The following SWI5 variants were observed in gnomAD, a reference collection of about 807,000 sequenced individuals.
SWI5 encodes SWI5 homologous recombination repair protein.
A neutral mutation model predicts 17.0 loss-of-function variants in SWI5; 12 were observed. The ratio of observed to expected loss-of-function variants is 0.71; its 90% confidence interval spans 0.45 to 1.14. The LOEUF is 1.14. Ranked by LOEUF, SWI5 falls within the 50% of genes most tolerant of loss-of-function variation. The pLI is 0.00. For synonymous variants in SWI5, 61 were observed against 64.0 expected (o/e 0.95, Z 0.22); for missense variants, 158 against 162.2 (o/e 0.97, Z 0.14).
rs1831628747 is a variant in SWI5 at position 128,285,823 on chromosome 9, C to T, written c.234-116C>T. ...GGCCTATCTTGCTGTCACCATATCC[C>T]TAGTACCTATCACCGAGTAGGCCAT... On this transcript the variant is annotated intron_variant, in intron 3 of 4. Coordinates refer to ENST00000418976, the Ensembl canonical transcript of SWI5. The surrounding 1 kb of genome is among the most constrained non-coding windows in gnomAD (Gnocchi z 4.8). The T allele has an allele frequency of 1.4e-6, 1 of 693,568 alleles. No homozygotes were observed. The highest frequency in any genetic ancestry group is 2.6e-5 in the East Asian group (1 of 38,300). 43.0% of individuals were successfully genotyped at this position (693,568 alleles called of 1,614,324 possible).
chr9:128,276,850 G>T (rs1345629097), intron 2 of SWI5, 95 bp downstream of exon 2: 8 of 1,309,338 alleles, frequency 6.1e-6, no homozygotes, highest in Non-Finnish European at 8.5e-6. Flanking sequence ...GCCAATCCCC[G>T]CTTGGCCCTC....
chr9:128,280,928 A>G (rs1393319474), intron 2 of SWI5, among the ~76,000 whole-genome samples: 1 of 151,310 alleles, frequency 6.6e-6, no homozygotes, highest in African/African-American at 2.4e-5. Context: ...GCATTCAGAT[A>G]CACATTCACC....
At chr9:128,284,406 G>A (rs1352885985) in intron 2 of SWI5, 104 bp from the exon 3 acceptor site, 1 of 1,402,248 alleles carries the variant, frequency 7.1e-7, no homozygotes, top group Non-Finnish European at 9.6e-7. Context: ...GGGGGTTAGG[G>A]TGCCTATTAG....
At chr9:128,283,928 G>A (rs1167421526) in intron 2 of SWI5, among the ~76,000 whole-genome samples, 3 of 151,832 alleles carry the variant, frequency 2.0e-5, no homozygotes, top group Admixed American at 1.3e-4. Flanking sequence ...AGGAGTTCGA[G>A]GTTGCAGTGA....
chr9:128,282,161 G>A (rs889602569), intron 2 of SWI5, among the ~76,000 whole-genome samples: 14 of 152,230 alleles, frequency 9.2e-5, no homozygotes, highest in Admixed American at 9.2e-4. Flanking sequence ...GGCTGAGGTG[G>A]GCGGATCACG....
chr9:128,283,873 A>C (rs1831585508), intron 2 of SWI5, among the ~76,000 whole-genome samples: 1 of 151,588 alleles, frequency 6.6e-6, no homozygotes, highest in African/African-American at 2.4e-5. Context: ...CCTGTAATCC[A>C]AACATTGTTG....
chr9:128,286,219 T>G, intron 4 of SWI5, 186 bp downstream of exon 4: 1 of 564,256 alleles, frequency 1.8e-6, no homozygotes. Context: ...CCTAGGTTTG[T>G]TCCTCAAGTA....
At chr9:128,284,323 G>A (rs1197706430) in intron 2 of SWI5, among the ~76,000 whole-genome samples, 187 bp from the exon 3 acceptor site, 1 of 150,300 alleles carries the variant, frequency 6.7e-6, no homozygotes, top group African/African-American at 2.5e-5. Context: ...AGATGATTAA[G>A]TTCTACTTGC....
rs77650511 is a variant in SWI5 at position 128,288,115 on chromosome 9, G to A, written c.329-537G>A. Among the ~76,000 whole-genome samples the A allele has an allele frequency of 5.5e-3, 836 of 152,234 alleles. 7 individuals carry two copies. Among genetic ancestry groups the A allele is most frequent in the African/African-American group, 0.019 (782 of 41,532 alleles). On this transcript the variant is annotated intron_variant, in intron 4 of 4. Transcript: ENST00000418976. ...ATTGAGGTATGAACAGAGGGGCGGT[G>A]GGGGTAAGATAGGTGTTCAGGGGAG...
chr9:128,280,705 G>C (rs533157417), intron 2 of SWI5, among the ~76,000 whole-genome samples: 7 of 152,026 alleles, frequency 4.6e-5, no homozygotes, highest in African/African-American at 9.7e-5. Flanking sequence ...TTTTAGTAGA[G>C]ACGGGGTTTC....
At position 128,288,791 on chromosome 9, in the gene SWI5, C is replaced by CA; in HGVS notation, c.*76dup. On this transcript the variant is annotated 3_prime_UTR_variant, in exon 5 of 5. Coordinates refer to ENST00000418976, the Ensembl canonical transcript of SWI5. Reference sequence around the variant, plus strand: ...ACATGATAAACACTGAGAGCCCAACCAGCACACCTACAGAGTTTCCAGCGA... The same window carrying CA: ...ACATGATAAACACTGAGAGCCCAACCAAGCACACCTACAGAGTTTCCAGCGA... 3 of 1,515,546 alleles carry CA rather than the reference C, an allele frequency of 2.0e-6. No homozygotes were observed. The South Asian group carries it at 3.4e-5, about 17-fold the overall frequency. The allele number at this position is 1,515,546 out of a possible 1,614,324, so 93.9% of individuals were successfully genotyped here.
At position 128,276,373 on chromosome 9, in the gene SWI5, C is replaced by A; in HGVS notation, c.33C>A (p.Ile11=). ...CTCTTGCGCCATTGAACCCCCTGAT[C>A]CGGGGGCCTCGGACCCCAGGGCTCA... Residue 11 remains isoleucine (I), a synonymous_variant, in exon 1 of 5, where the codon ATC becomes ATA. Coordinates refer to ENST00000418976, the Ensembl canonical transcript of SWI5. 3 of 1,613,234 alleles carry A rather than the reference C, an allele frequency of 1.9e-6. No individual in the cohort carries two copies. In the African/African-American group the frequency reaches 4.0e-5, roughly 22 times the overall value.
chr9:128,287,402 G>A (rs568459243), intron 4 of SWI5, among the ~76,000 whole-genome samples: 74 of 147,286 alleles, frequency 5.0e-4, no homozygotes, highest in Admixed American at 3.0e-3. Context: ...ACGGTGAGCC[G>A]AGATCACACC....
Position 128,285,683 on chromosome 9 carries a change from A to G in SWI5, c.234-256A>G, listed in dbSNP as rs1831626466. Among the ~76,000 whole-genome samples the G allele has an allele frequency of 6.6e-6, 1 of 152,190 alleles. No individual in the cohort carries two copies. The highest frequency in any genetic ancestry group is 6.5e-5 in the Admixed American group (1 of 15,284). On this transcript the variant is annotated intron_variant, in intron 3 of 4. Transcript: ENST00000418976. The surrounding 1 kb of genome is among the most constrained non-coding windows in gnomAD (Gnocchi z 4.8). ...ATCTGCGAGTCCCTCAGCTGTGGCC[A>G]GGGTCACATGGTACCACTGTGGCTG...
chr9:128,276,532 C>T (rs2131409865), intron 1 of SWI5, 130 bp downstream of exon 1: 2 of 1,569,576 alleles, frequency 1.3e-6, no homozygotes, highest in East Asian at 4.5e-5. Flanking sequence ...TCAGAACGCC[C>T]CCTTCCTAGA....
chr9:128,281,954 A>G (rs1055665957), intron 2 of SWI5, among the ~76,000 whole-genome samples: 1 of 152,250 alleles, frequency 6.6e-6, no homozygotes, highest in Admixed American at 6.5e-5. Flanking sequence ...GTGATGGCAC[A>G]TGCCTGTTGT....
intron 2 of SWI5, among the ~76,000 whole-genome samples, chr9:128,283,135 T>C (rs1307514562): frequency 3.3e-5 from 5 of 151,074 alleles, no homozygotes; most frequent in African/African-American, 1.2e-4. Context: ...GCCAACATGG[T>C]GAAACCCTGT....
chr9:128,278,997 C>T (rs1831487992), intron 2 of SWI5, among the ~76,000 whole-genome samples: 1 of 152,112 alleles, frequency 6.6e-6, no homozygotes, highest in African/African-American at 2.4e-5. Context: ...TCTCAAACTC[C>T]TGACCTCAGT....
In SWI5 at chr9:128,284,503, C is replaced by T; in HGVS notation, c.112-7C>T. ...CAGTCTGGCTGATGACTTTTTCTGC[C>T]TCTCAGAGGCCATTGCCCAAGTCTG... is the stretch of plus-strand genomic sequence containing the variant. On this transcript the variant is annotated splice_region_variant and splice_polypyrimidine_tract_variant and intron_variant, in intron 2 of 4. Transcript: ENST00000418976. The T allele has an allele frequency of 1.2e-6, 2 of 1,611,848 alleles. No homozygotes were observed. The highest frequency in any genetic ancestry group is 1.3e-5 in the African/African-American group (1 of 74,842).
Sources: allele counts gnomAD v4.1 joint callset (sites outside exome capture counted in the v4.1 genomes callset), GRCh38; gene constraint gnomAD v4.1.1; non-coding constraint Gnocchi (gnomAD v3.1); transcripts MANE v1.5; gene names NCBI Gene and HGNC (gene_info 2026-07-23, HGNC 2026-07-21).